METTL16: variants seen among roughly 807,000 people sequenced by gnomAD.
METTL16 encodes the protein methyltransferase 16, RNA N6-adenosine, also known as RNA N(6)-adenosine-methyltransferase METTL16.
A neutral mutation model predicts 57.9 loss-of-function variants in METTL16; 19 were observed. The ratio of observed to expected loss-of-function variants is 0.33; its 90% confidence interval spans 0.23 to 0.48. The LOEUF is 0.48. METTL16 is among the 20% of genes least tolerant of loss of function. The pLI, the probability that METTL16 is intolerant of heterozygous loss-of-function variation, is 0.99. For synonymous variants in METTL16, 246 were observed against 255.6 expected, an observed-to-expected ratio of 0.96 and a Z score of 0.36; for missense variants, 434 against 691.5, an observed-to-expected ratio of 0.63 and a Z score of 4.18.
intron 6 of METTL16, among the ~76,000 whole-genome samples, chr17:2,462,365 T>C (rs894648980): frequency 3.3e-5 from 5 of 152,124 alleles, no homozygotes; most frequent in Admixed American, 3.3e-4. Context: ...AGAGTTACAG[T>C]TACAAAACAT....
Position 2,477,668 on chromosome 17 carries a change from G to C in METTL16, c.328+18C>G. 1 of 1,585,980 alleles carries C rather than the reference G, an allele frequency of 6.3e-7. No individual in the cohort carries two copies. Among genetic ancestry groups the C allele is most frequent in the Non-Finnish European group, 8.6e-7 (1 of 1,156,192 alleles). Reference sequence around the variant, plus strand: ...TTATGAAAACTGTTTAGCCAAAAAAGAATTTAAAATGATATACCTATGTCA... The same window carrying C: ...TTATGAAAACTGTTTAGCCAAAAAACAATTTAAAATGATATACCTATGTCA... On this transcript the variant is annotated intron_variant, in intron 3 of 9. Transcript: ENST00000263092.
At chr17:2,463,202 C>T (rs974261052) in intron 6 of METTL16, among the ~76,000 whole-genome samples, 2 of 152,140 alleles carry the variant, frequency 1.3e-5, no homozygotes, top group East Asian at 1.9e-4. Flanking sequence ...GCTGAAAGGA[C>T]GAGGCAACAA....
chr17:2,476,329 G>A (rs1294050079), intron 3 of METTL16, among the ~76,000 whole-genome samples: 1 of 152,200 alleles, frequency 6.6e-6, no homozygotes, highest in East Asian at 1.9e-4. Flanking sequence ...GCATGGAGTT[G>A]GGAAATCGTC....
At chr17:2,481,783 C>T (rs907458112) in intron 2 of METTL16, among the ~76,000 whole-genome samples, 1 of 152,008 alleles carries the variant, frequency 6.6e-6, no homozygotes, top group African/African-American at 2.4e-5. Context: ...AAATAGAAGG[C>T]TCACTATGTT....
intron 2 of METTL16, among the ~76,000 whole-genome samples, chr17:2,481,241 A>C (rs2151570958): frequency 6.6e-6 from 1 of 152,054 alleles, no homozygotes; most frequent in African/African-American, 2.4e-5. Context: ...AAAAAAAAAA[A>C]ACCCAGGATA....
chr17:2,454,589 G>C (rs1420583539), intron 6 of METTL16, among the ~76,000 whole-genome samples: 3 of 143,452 alleles, frequency 2.1e-5, no homozygotes, highest in African/African-American at 7.8e-5. Flanking sequence ...TTTTGAGACG[G>C]AGTCTTGCTC....
At chr17:2,427,971 G>C (rs974268598) in intron 8 of METTL16, among the ~76,000 whole-genome samples, 12 of 138,384 alleles carry the variant, frequency 8.7e-5, no homozygotes, top group African/African-American at 3.2e-4. Flanking sequence ...AAAAAAATTA[G>C]CTGGATGTGG....
rs1031348685 is a variant in METTL16 at position 2,511,860 on chromosome 17, G to A, written c.-102C>T. The A allele has an allele frequency of 1.0e-5, 4 of 398,628 alleles. No individual in the cohort carries two copies. The highest frequency in any genetic ancestry group is 1.3e-4 in the South Asian group (1 of 7,848). 24.7% of individuals were successfully genotyped at this position (398,628 alleles called of 1,614,324 possible). A position where few individuals can be genotyped will look rare whatever the true frequency, so the allele number is the denominator to read the frequency against. ...TAGCGAAGCTCCTAGAAACGCAGAT[G>A]ATACGCTCCCAGCGCGCCGCCATCT... On this transcript the variant is annotated 5_prime_UTR_variant, in exon 1 of 10. Coordinates refer to ENST00000263092, the MANE Select transcript of METTL16 (RefSeq NM_024086.4).
At chr17:2,469,748 C>T (rs1485848223) in intron 4 of METTL16, among the ~76,000 whole-genome samples, 1 of 152,164 alleles carries the variant, frequency 6.6e-6, no homozygotes, top group Non-Finnish European at 1.5e-5. Context: ...TGGTCTCAAA[C>T]TCCTCACCTC....
chr17:2,435,094 T>C (rs2066900153), intron 8 of METTL16, among the ~76,000 whole-genome samples: 1 of 151,690 alleles, frequency 6.6e-6, no homozygotes, highest in Non-Finnish European at 1.5e-5. Flanking sequence ...TTAGCTGAAA[T>C]TATGGAACAA....
At chr17:2,502,429 G>C (rs2067496060) in intron 1 of METTL16, 98 bp from the exon 2 acceptor site, 2 of 1,130,658 alleles carry the variant, frequency 1.8e-6, no homozygotes, top group Non-Finnish European at 2.5e-6. Flanking sequence ...CCAGTACTTT[G>C]GGAGGCCAAG....
intron 4 of METTL16, among the ~76,000 whole-genome samples, chr17:2,468,253 G>A (rs138832991): frequency 6.6e-6 from 1 of 152,332 alleles, no homozygotes; most frequent in Non-Finnish European, 1.5e-5. Context: ...AGGTGTGACT[G>A]TATGTCCTCA....
At position 2,438,345 on chromosome 17, in the gene METTL16, T is replaced by A. The variant is rs759993852; in HGVS notation, c.799-147A>T. 3.8e-5 allele frequency: 23 copies of A among 610,568 alleles called. No individual in the cohort carries two copies. The Admixed American group carries it at 5.1e-4, about 13-fold the overall frequency. The allele number at this position is 610,568 out of a possible 1,614,324, so 37.8% of individuals were successfully genotyped here. A position where few individuals can be genotyped will look rare whatever the true frequency, so the allele number is the denominator to read the frequency against. On this transcript the variant is annotated intron_variant, in intron 7 of 9. Coordinates refer to ENST00000263092, the MANE Select transcript of METTL16 (RefSeq NM_024086.4). ...CAAACAACAGTTATAGATAGCTGCC[T>A]AATAATGAATGAATAAATCATCTCT...
chr17:2,474,543 C>CA (rs920403730), intron 3 of METTL16, among the ~76,000 whole-genome samples: 41 of 149,194 alleles, frequency 2.7e-4, no homozygotes, highest in Middle Eastern at 3.4e-3. Flanking sequence ...ACGCTCCATG[C>CA]AAAAAAAAAC....
intron 8 of METTL16, among the ~76,000 whole-genome samples, chr17:2,435,935 A>G (rs1484644003): frequency 1.3e-5 from 2 of 152,112 alleles, no homozygotes; most frequent in Non-Finnish European, 2.9e-5. Context: ...GGTTTTGTTA[A>G]CACAGAAGCA....
At chr17:2,439,679 G>T (rs2066933309) in intron 7 of METTL16, among the ~76,000 whole-genome samples, 1 of 151,998 alleles carries the variant, frequency 6.6e-6, no homozygotes. Context: ...TGAGGTCAGT[G>T]GTAGATACCA....
Position 2,441,607 on chromosome 17 carries a change from A to T in METTL16, c.729-48T>A, listed in dbSNP as rs773054171. 46 of 1,276,058 alleles carry T rather than the reference A, an allele frequency of 3.6e-5. No homozygotes were observed. In the Admixed American group the frequency reaches 7.7e-4, roughly 21 times the overall value. 79.0% of individuals were successfully genotyped at this position (1,276,058 alleles called of 1,614,324 possible). A position where few individuals can be genotyped will look rare whatever the true frequency, so the allele number is the denominator to read the frequency against. On this transcript the variant is annotated intron_variant, in intron 6 of 9. Transcript: ENST00000263092. The stretch of plus-strand genomic sequence containing the variant: ...AGTAAATACGGTTTATGTGGTTAAA[A>T]TTTTAAACTAAGCATTATTCAAGTG...
At chr17:2,485,306 G>A (rs577717834) in intron 2 of METTL16, among the ~76,000 whole-genome samples, 1 of 152,168 alleles carries the variant, frequency 6.6e-6, no homozygotes, top group South Asian at 2.1e-4. Flanking sequence ...ACAAGCTGCG[G>A]GAAAACAAGC....
chr17:2,471,095 G>C (rs1567897298), intron 4 of METTL16, among the ~76,000 whole-genome samples: 1 of 152,166 alleles, frequency 6.6e-6, no homozygotes, highest in Non-Finnish European at 1.5e-5. Flanking sequence ...TGCATAAAAT[G>C]AATCTAGACA....
Sources: gnomAD v4.1 joint callset for allele counts (sites outside exome capture counted in the v4.1 genomes callset) on GRCh38, gnomAD v4.1.1 for gene constraint, MANE v1.5 for transcripts, NCBI Gene and HGNC (gene_info 2026-07-23, HGNC 2026-07-21) for gene names.